The following NEK11 variants were observed in gnomAD, a reference collection of about 807,000 sequenced individuals.
NEK11 encodes the protein serine/threonine-protein kinase Nek11.
In NEK11, 72 loss-of-function variants were observed where a neutral mutation model predicts 80.7. The ratio of observed to expected loss-of-function variants is 0.89; its 90% CI spans 0.74 to 1.08. The LOEUF is 1.08. NEK11 is among the 50% of genes least tolerant of loss of function. The pLI, the probability that NEK11 is intolerant of heterozygous loss-of-function variation, is 0.00. For missense variants in NEK11, 764 were observed against 763.6 expected (o/e 1.00, Z -0.01); for synonymous variants, 251 against 260.7 (o/e 0.96, Z 0.36).
At chr3:131,268,178 T>A (rs944278131) in intron 16 of NEK11, among the ~76,000 whole-genome samples, 4 of 152,222 alleles carry the variant, frequency 2.6e-5, no homozygotes, top group Admixed American at 6.5e-5. Context: ...TCTAACCTTT[T>A]ATCAACATTC....
At chr3:131,295,635 C>T (rs916704303) in intron 17 of NEK11, among the ~76,000 whole-genome samples, 4 of 152,074 alleles carry the variant, frequency 2.6e-5, no homozygotes, top group Non-Finnish European at 5.9e-5. Flanking sequence ...ATATCTGCCC[C>T]ATTTCATTTA....
At chr3:131,338,125 C>T (rs1349580651) in intron 17 of NEK11, among the ~76,000 whole-genome samples, 1 of 152,036 alleles carries the variant, frequency 6.6e-6, no homozygotes, top group Non-Finnish European at 1.5e-5. Flanking sequence ...CGCCGCCATG[C>T]CCGGCTTATT....
intron 4 of NEK11, among the ~76,000 whole-genome samples, chr3:131,082,216 C>CA (rs1467818453): frequency 2.0e-5 from 3 of 152,160 alleles, no homozygotes; most frequent in African/African-American, 7.2e-5. Flanking sequence ...AATATGTCAC[C>CA]AATTCGTGCA....
chr3:131,136,693 G>A (rs561017519), intron 7 of NEK11, among the ~76,000 whole-genome samples: 10 of 152,276 alleles, frequency 6.6e-5, no homozygotes, highest in Admixed American at 6.5e-4. Flanking sequence ...TCTCCTAAAA[G>A]TGGGTTAGGT....
chr3:131,240,779 G>A (rs926765554), intron 15 of NEK11, among the ~76,000 whole-genome samples: 28 of 151,954 alleles, frequency 1.8e-4, no homozygotes, highest in Non-Finnish European at 3.8e-4. Context: ...TTTTTCTTGT[G>A]AATTGAATCT....
At chr3:131,291,582 G>A (rs749575471) in intron 17 of NEK11, among the ~76,000 whole-genome samples, 3 of 152,172 alleles carry the variant, frequency 2.0e-5, no homozygotes, top group Non-Finnish European at 4.4e-5. Flanking sequence ...ATGAGTGAGA[G>A]TTCCTGTTGC....
At chr3:131,232,390 T>C (rs962793757) in intron 15 of NEK11, among the ~76,000 whole-genome samples, 1 of 152,240 alleles carries the variant, frequency 6.6e-6, no homozygotes, top group South Asian at 2.1e-4. Flanking sequence ...CCAAGACTAA[T>C]AAATGGCTCA....
intron 16 of NEK11, among the ~76,000 whole-genome samples, chr3:131,262,002 A>C (rs1386295202): frequency 2.0e-5 from 3 of 147,300 alleles, no homozygotes; most frequent in Non-Finnish European, 3.0e-5. Flanking sequence ...TCAGTGAAAC[A>C]AAAAAAAATA....
rs78062589 is a variant in NEK11, at chr3:131,158,156, C to T, written c.962+3035C>T. ...AGCCTGGCCATGCCTGCTTGCAGTGCAGCCACGGGTGTCTTGGGGGTCTAC... is the reference window on the plus strand; with the variant it reads ...AGCCTGGCCATGCCTGCTTGCAGTGTAGCCACGGGTGTCTTGGGGGTCTAC... On this transcript the variant is annotated intron_variant, in intron 10 of 17. Coordinates refer to ENST00000383366, the MANE Select transcript of NEK11 (RefSeq NM_024800.5). Among the ~76,000 whole-genome samples the T allele has an allele frequency of 9.0e-3, 1,376 of 152,158 alleles. 19 individuals are homozygous for T. The highest frequency in any genetic ancestry group is 0.03 in the African/African-American group (1,226 of 41,516).
chr3:131,281,635 GA>G (rs1308684927), intron 17 of NEK11, among the ~76,000 whole-genome samples: 4 of 152,200 alleles, frequency 2.6e-5, no homozygotes, highest in Non-Finnish European at 5.9e-5. Flanking sequence ...CTAGAAGTGA[GA>G]TTGCTTAGTT....
At chr3:131,253,271 A>G (rs925738272) in intron 16 of NEK11, among the ~76,000 whole-genome samples, 1 of 152,144 alleles carries the variant, frequency 6.6e-6, no homozygotes, top group African/African-American at 2.4e-5. Flanking sequence ...ATTGTCTTAC[A>G]TGAAGGCCCC....
At chr3:131,133,186 C>G (rs2084847651) in intron 6 of NEK11, 3 of 439,584 alleles carry the variant, frequency 6.8e-6, no homozygotes, top group Non-Finnish European at 1.3e-5. Flanking sequence ...TATTTCATCA[C>G]AAGCAATAAG....
chr3:131,127,637 T>G (rs1464766243), intron 5 of NEK11, among the ~76,000 whole-genome samples: 1 of 151,338 alleles, frequency 6.6e-6, no homozygotes, highest in Non-Finnish European at 1.5e-5. Flanking sequence ...TATTTCTATA[T>G]CTCTTTTTTT....
At chr3:131,207,999 A>G (rs1486420478) in intron 14 of NEK11, among the ~76,000 whole-genome samples, 2 of 152,032 alleles carry the variant, frequency 1.3e-5, no homozygotes, top group East Asian at 1.9e-4. Context: ...TTTGGCTTTT[A>G]TTGCCATTGC....
chr3:131,262,602 A>C (rs1301218019), intron 16 of NEK11, among the ~76,000 whole-genome samples: 1 of 152,200 alleles, frequency 6.6e-6, no homozygotes, highest in African/African-American at 2.4e-5. Flanking sequence ...TCAGGAGGAA[A>C]GATATACTAT....
intron 17 of NEK11, among the ~76,000 whole-genome samples, chr3:131,278,621 C>T (rs1025730383): frequency 2.0e-5 from 3 of 152,078 alleles, no homozygotes; most frequent in African/African-American, 7.2e-5. Flanking sequence ...CATGCTCCCA[C>T]TAGAAGCCAA....
chr3:131,064,420 G>C (rs979426748), intron 3 of NEK11, among the ~76,000 whole-genome samples: 1 of 152,088 alleles, frequency 6.6e-6, no homozygotes, highest in East Asian at 1.9e-4. Context: ...GTTTGTGCAA[G>C]CGTGTCCCTG....
At chr3:131,086,362 T>C (rs2149091943) in intron 4 of NEK11, among the ~76,000 whole-genome samples, 1 of 152,334 alleles carries the variant, frequency 6.6e-6, no homozygotes, top group Admixed American at 6.5e-5. Context: ...TTTCTCTCAT[T>C]CTTTCTGTAT....
At chr3:131,210,516 C>G (rs996346762) in intron 14 of NEK11, among the ~76,000 whole-genome samples, 1 of 152,154 alleles carries the variant, frequency 6.6e-6, no homozygotes, top group Non-Finnish European at 1.5e-5. Context: ...GAGTTCAATT[C>G]CTGGATATCC....
Sources: gnomAD v4.1 joint callset for allele counts (sites outside exome capture counted in the v4.1 genomes callset) on GRCh38, gnomAD v4.1.1 for gene constraint, MANE v1.5 for transcripts, NCBI Gene and HGNC (gene_info 2026-07-23, HGNC 2026-07-21) for gene names.